The following SMURF1 variants were observed in gnomAD, a reference collection of about 807,000 sequenced individuals.
SMURF1 encodes E3 ubiquitin-protein ligase SMURF1.
Under a neutral mutation model 98.0 loss-of-function variants are expected in SMURF1, and 44 were observed. That is an observed-to-expected ratio of 0.45 (90% CI 0.35 to 0.58). The LOEUF is 0.58. SMURF1 is among the 20% of genes least tolerant of loss of function. The pLI, the probability that SMURF1 is intolerant of heterozygous loss-of-function variation, is 0.00. For synonymous variants in SMURF1, 396 were observed against 374.9 expected, an observed-to-expected ratio of 1.06 and a Z score of -0.65; for missense variants, 687 against 938.4, an observed-to-expected ratio of 0.73 and a Z score of 3.50.
At chr7:99,129,283 T>C (rs1390376548) in intron 1 of SMURF1, among the ~76,000 whole-genome samples, 2 of 152,246 alleles carry the variant, frequency 1.3e-5, no homozygotes, top group Non-Finnish European at 2.9e-5. Flanking sequence ...AAGACCATGT[T>C]ACTATTAGCT....
At chr7:99,102,392 A>G (rs1454565551) in intron 1 of SMURF1, among the ~76,000 whole-genome samples, 1 of 152,262 alleles carries the variant, frequency 6.6e-6, no homozygotes, top group African/African-American at 2.4e-5. Flanking sequence ...TGAATAACTG[A>G]ATATACCCAA....
rs549449495 is a variant in SMURF1, at chr7:99,067,627, T to G, written c.56-5790A>C. Among the ~76,000 whole-genome samples the G allele has an allele frequency of 6.1e-4, 93 of 152,298 alleles. 1 individual carries two copies. Among genetic ancestry groups the G allele is most frequent in the African/African-American group, 2.0e-3 (85 of 41,562 alleles). ...GTACATTCAGTTAGTAAAACAAGCT[T>G]CTTTTACCTGGCAAAAGATAGGGTT... On this transcript the variant is annotated intron_variant, in intron 1 of 17. Transcript: ENST00000361368.
chr7:99,038,494 T>G lies in SMURF1; in HGVS notation c.1582A>C (p.Thr528Pro). The G allele has an allele frequency of 1.2e-6, 2 of 1,614,230 alleles. No individual in the cohort carries two copies. Among genetic ancestry groups the G allele is most frequent in the Non-Finnish European group, 1.7e-6 (2 of 1,180,036 alleles). Residue 528 changes from threonine to proline, a missense_variant, in exon 14 of 18, where the codon ACC becomes CCC. Physicochemically the swap from Thr to Pro is conservative, Grantham distance 38. Transcript: ENST00000361368. Reference sequence around the variant, plus strand: ...AAGGCGTTGTGTTCCACGCAGAAGGTGTGGTCCAGTACAGGCGTGATGTCG... The same window carrying G: ...AAGGCGTTGTGTTCCACGCAGAAGGGGTGGTCCAGTACAGGCGTGATGTCG... Reference protein sequence around the residue: ...ENDITPVLDHTFCVEHNAFGR... With the variant: ...ENDITPVLDHPFCVEHNAFGR...
rs76468607 is a variant in SMURF1 at position 99,110,546 on chromosome 7, C to T, written c.55+33180G>A. ...GCAGATTAAACCTACAATAAGATGC[C>T]ATCTCTCACCTATCAGACTGGCAAA... On this transcript the variant is annotated intron_variant, in intron 1 of 17. Coordinates refer to ENST00000361368, the MANE Select transcript of SMURF1 (RefSeq NM_181349.3). Among the ~76,000 whole-genome samples the T allele has an allele frequency of 7.3e-3, 1,113 of 152,256 alleles. 10 individuals are homozygous for T. The highest frequency in any genetic ancestry group is 0.026 in the African/African-American group (1,083 of 41,552).
At chr7:99,046,976 C>T (rs1795603193) in intron 10 of SMURF1, among the ~76,000 whole-genome samples, 1 of 152,168 alleles carries the variant, frequency 6.6e-6, no homozygotes, top group African/African-American at 2.4e-5. Flanking sequence ...GTGCTGTCAC[C>T]CAGGGAGAAT....
chr7:99,091,137 G>C (rs1389795304), intron 1 of SMURF1, among the ~76,000 whole-genome samples: 1 of 152,228 alleles, frequency 6.6e-6, no homozygotes, highest in African/African-American at 2.4e-5. Context: ...CAGATGTACA[G>C]TAGTAGTGAG....
chr7:99,124,530 C>T (rs1215886053), intron 1 of SMURF1, among the ~76,000 whole-genome samples: 3 of 152,176 alleles, frequency 2.0e-5, no homozygotes, highest in Non-Finnish European at 4.4e-5. Context: ...GGCGCTTCTA[C>T]AGAATCTGCC....
At chr7:99,096,114 C>G (rs1004170033) in intron 1 of SMURF1, among the ~76,000 whole-genome samples, 1 of 152,168 alleles carries the variant, frequency 6.6e-6, no homozygotes, top group African/African-American at 2.4e-5. Context: ...CCAAGAAAAT[C>G]TCAAACCTTG....
At chr7:99,094,658 A>AG (rs1796904625) in intron 1 of SMURF1, among the ~76,000 whole-genome samples, 1 of 56,916 alleles carries the variant, frequency 1.8e-5, no homozygotes, top group East Asian at 5.1e-4. Flanking sequence ...AGGCAAGAAA[A>AG]GGAAAAAAAA....
chr7:99,107,739 C>G (rs1039580388), intron 1 of SMURF1, among the ~76,000 whole-genome samples: 5 of 152,194 alleles, frequency 3.3e-5, no homozygotes, highest in Non-Finnish European at 5.9e-5. Flanking sequence ...CTTCTCGGAG[C>G]CAGTCCCAGG....
chr7:99,075,785 G>A (rs1436748274), intron 1 of SMURF1, among the ~76,000 whole-genome samples: 2 of 152,114 alleles, frequency 1.3e-5, no homozygotes, highest in African/African-American at 4.8e-5. Flanking sequence ...CATTCATTCT[G>A]GCTGGATTTC....
chr7:99,069,356 C>CCATT (rs1364479204), intron 1 of SMURF1, among the ~76,000 whole-genome samples: 1 of 152,278 alleles, frequency 6.6e-6, no homozygotes, highest in South Asian at 2.1e-4. Context: ...ATCCATCCAT[C>CCATT]CATTCATTCA....
At chr7:99,123,108 T>TA (rs2150627292) in intron 1 of SMURF1, among the ~76,000 whole-genome samples, 1 of 18,894 alleles carries the variant, frequency 5.3e-5, no homozygotes, top group South Asian at 2.8e-3. Context: ...CTTTTATTTA[T>TA]TTTTTTTTTA....
chr7:99,049,814 G>A, intron 8 of SMURF1, 105 bp from the exon 9 acceptor site: 1 of 1,142,010 alleles, frequency 8.8e-7, no homozygotes, highest in Non-Finnish European at 1.2e-6. Context: ...AGGTGTCTGT[G>A]TCCCAGCTCT....
intron 1 of SMURF1, among the ~76,000 whole-genome samples, chr7:99,139,778 T>C (rs1370993959): frequency 6.6e-6 from 1 of 152,176 alleles, no homozygotes; most frequent in Non-Finnish European, 1.5e-5. Context: ...ACAAAAACAT[T>C]CGTTAAAATG....
intron 1 of SMURF1, among the ~76,000 whole-genome samples, chr7:99,101,923 G>A (rs1797091173): frequency 6.9e-6 from 1 of 145,982 alleles, no homozygotes; most frequent in Non-Finnish European, 1.5e-5. Flanking sequence ...GACAGAGCAC[G>A]ACCACGTCTC....
intron 8 of SMURF1, chr7:99,051,035 CAG>C (rs774377421): frequency 2.5e-5 from 37 of 1,487,104 alleles, no homozygotes; most frequent in South Asian, 2.1e-4. Context: ...GAAAGGGTAA[CAG>C]AGTCTTTATA....
chr7:99,039,193 C>CAAAA (rs34106810), intron 13 of SMURF1, among the ~76,000 whole-genome samples: 23 of 60,488 alleles, frequency 3.8e-4, no homozygotes, highest in Non-Finnish European at 7.2e-4. Context: ...GACTCTGTCT[C>CAAAA]AAAAAAAAAA....
In SMURF1 at chr7:99,040,579, C is replaced by T. The variant is rs200957055; in HGVS notation, c.1372-23G>A. The T allele has an allele frequency of 2.7e-3, 3,714 of 1,400,034 alleles. 10 individuals carry two copies. The highest frequency in any genetic ancestry group is 2.7e-3 in the Non-Finnish European group (2,891 of 1,069,138). The allele number at this position is 1,400,034 out of a possible 1,614,324, so 86.7% of individuals were successfully genotyped here. On this transcript the variant is annotated intron_variant, in intron 12 of 17. Transcript: ENST00000361368. ...GTCCTGTAGGGGGCACCAGAGAACA[C>T]GAATTTGTCAGCATGGTGCCGGCCA... is the stretch of plus-strand genomic sequence containing the variant.
Sources: gnomAD v4.1 joint callset for allele counts (sites outside exome capture counted in the v4.1 genomes callset) on GRCh38, gnomAD v4.1.1 for gene constraint, MANE v1.5 for transcripts, NCBI Gene and HGNC (gene_info 2026-07-23, HGNC 2026-07-21) for gene names.